THSD7B: variants seen among roughly 807,000 people sequenced by gnomAD.
THSD7B encodes the protein thrombospondin type 1 domain containing 7B.
THSD7B carries 138 observed loss-of-function variants against 213.6 expected under a neutral mutation model. That is an observed-to-expected ratio of 0.65 (90% CI 0.56 to 0.74). The LOEUF (loss-of-function observed/expected upper bound fraction) is 0.74. THSD7B is among the 30% of genes least tolerant of loss of function. The pLI is 0.00. For synonymous variants in THSD7B, 742 were observed against 687.0 expected (o/e 1.08, Z -1.25); for missense variants, 1,931 against 1,991.5 (o/e 0.97, Z 0.58).
chr2:137,656,241 CAT>C (rs758079440), intron 22 of THSD7B, among the ~76,000 whole-genome samples: 17 of 151,896 alleles, frequency 1.1e-4, no homozygotes, highest in African/African-American at 2.7e-4. Context: ...CAGTATATAA[CAT>C]ATGTGTATGT....
chr2:137,284,419 A>C (rs1683117032), intron 12 of THSD7B, among the ~76,000 whole-genome samples: 1 of 151,842 alleles, frequency 6.6e-6, no homozygotes, highest in Non-Finnish European at 1.5e-5. Context: ...CTCTGATCTT[A>C]GTTATTTCTT....
intron 20 of THSD7B, among the ~76,000 whole-genome samples, chr2:137,627,331 T>C (rs1481744785): frequency 6.6e-6 from 1 of 152,162 alleles, no homozygotes; most frequent in Non-Finnish European, 1.5e-5. Flanking sequence ...ACATGCCTTT[T>C]GGTGGGCACA....
intron 3 of THSD7B, among the ~76,000 whole-genome samples, chr2:137,064,746 A>G (rs188445307): frequency 8.7e-4 from 132 of 152,066 alleles, no homozygotes; most frequent in Admixed American, 1.8e-3. Flanking sequence ...TTCCTAGCAC[A>G]ATTTATTGAA....
At position 137,470,985 on chromosome 2, in the gene THSD7B, T is replaced by C. The variant is rs1329862511; in HGVS notation, c.3138+19962T>C. Among the ~76,000 whole-genome samples the C allele has an allele frequency of 2.0e-5, 3 of 148,062 alleles. 1 individual carries two copies. The highest frequency in any genetic ancestry group is 7.5e-5 in the African/African-American group (3 of 40,170). On this transcript the variant is annotated intron_variant, in intron 15 of 27. Transcript: ENST00000409968. ...CTCAGGCTGGAGTGCAATGGCACAA[T>C]CTCAGCTCACTGCAACCTCTGCCTC...
intron 2 of THSD7B, among the ~76,000 whole-genome samples, chr2:137,044,795 ATGAAGGGAGG>A (rs1488691766): frequency 2.6e-5 from 4 of 152,214 alleles, no homozygotes; most frequent in African/African-American, 9.6e-5. Context: ...GTGCGATGAT[ATGAAGGGAGG>A]TGAATGGCGT....
chr2:137,316,946 T>C (rs555790111), intron 12 of THSD7B, among the ~76,000 whole-genome samples: 85 of 152,222 alleles, frequency 5.6e-4, no homozygotes, highest in African/African-American at 2.0e-3. Context: ...CTCCTCTGAG[T>C]TGGTAGGTTC....
At chr2:137,261,232 G>C (rs1429617322) in intron 10 of THSD7B, among the ~76,000 whole-genome samples, 1 of 149,942 alleles carries the variant, frequency 6.7e-6, no homozygotes, top group Non-Finnish European at 1.5e-5. Context: ...CATGGGAAGA[G>C]GGATGCTTAG....
intron 12 of THSD7B, among the ~76,000 whole-genome samples, chr2:137,338,525 T>A (rs1411448257): frequency 2.0e-5 from 3 of 152,134 alleles, no homozygotes; most frequent in Non-Finnish European, 4.4e-5. Flanking sequence ...ATCCGTTTAA[T>A]TTTAATGCTA....
chr2:137,103,081 A>T (rs1470851068), intron 4 of THSD7B, among the ~76,000 whole-genome samples: 1 of 152,126 alleles, frequency 6.6e-6, no homozygotes. Flanking sequence ...AAGACACAAA[A>T]TCGTCGGATT....
chr2:137,406,478 T>C (rs1686521932), intron 13 of THSD7B, among the ~76,000 whole-genome samples: 1 of 152,194 alleles, frequency 6.6e-6, no homozygotes, highest in Admixed American at 6.5e-5. Context: ...CTTAACTTCT[T>C]ATGTGTTTGT....
At chr2:136,824,463 A>G (rs1186626246) in intron 1 of THSD7B, among the ~76,000 whole-genome samples, 1 of 152,080 alleles carries the variant, frequency 6.6e-6, no homozygotes, top group Non-Finnish European at 1.5e-5. Flanking sequence ...TATAAACCCC[A>G]AAGTTATCTT....
intron 20 of THSD7B, among the ~76,000 whole-genome samples, chr2:137,624,965 C>T (rs1488623812): frequency 6.6e-6 from 1 of 152,118 alleles, no homozygotes; most frequent in African/African-American, 2.4e-5. Context: ...CCCAGCGATC[C>T]CATTACTGGG....
chr2:136,767,316 G>T (rs987865038), intron 1 of THSD7B, among the ~76,000 whole-genome samples: 2 of 152,264 alleles, frequency 1.3e-5, no homozygotes, highest in Non-Finnish European at 2.9e-5. Flanking sequence ...CACTTTGACA[G>T]ACTGCTGTTT....
intron 2 of THSD7B, among the ~76,000 whole-genome samples, chr2:136,916,299 G>A (rs963433148): frequency 8.5e-5 from 13 of 152,124 alleles, no homozygotes; most frequent in Non-Finnish European, 1.5e-4. Context: ...AGAATATTCC[G>A]GTCTACTGGT....
intron 15 of THSD7B, among the ~76,000 whole-genome samples, chr2:137,458,171 A>G (rs1276068188): frequency 2.6e-5 from 4 of 152,172 alleles, no homozygotes; most frequent in African/African-American, 9.7e-5. Flanking sequence ...TTGTTGTGAT[A>G]AAGAAGGAAT....
intron 1 of THSD7B, among the ~76,000 whole-genome samples, chr2:136,874,314 G>A (rs1009259927): frequency 6.6e-6 from 1 of 152,148 alleles, no homozygotes; most frequent in Non-Finnish European, 1.5e-5. Flanking sequence ...GGGCTGTGGT[G>A]AGCATTAAAT....
chr2:137,298,688 G>A (rs550066960), intron 12 of THSD7B, among the ~76,000 whole-genome samples: 10 of 152,294 alleles, frequency 6.6e-5, no homozygotes, highest in Admixed American at 1.3e-4. Context: ...GCTGAAAGGA[G>A]CCAATGTACA....
At chr2:137,020,026 G>A (rs1417194880) in intron 2 of THSD7B, among the ~76,000 whole-genome samples, 7 of 152,110 alleles carry the variant, frequency 4.6e-5, no homozygotes, top group African/African-American at 7.2e-5. Context: ...TCATGAAAAC[G>A]CCAGGCACAG....
At chr2:137,453,856 T>C (rs1433310776) in intron 15 of THSD7B, among the ~76,000 whole-genome samples, 1 of 152,190 alleles carries the variant, frequency 6.6e-6, no homozygotes, top group African/African-American at 2.4e-5. Flanking sequence ...AGTGAAAACA[T>C]GCAGTATTTT....
Sources: allele counts gnomAD v4.1 joint callset (sites outside exome capture counted in the v4.1 genomes callset), GRCh38; gene constraint gnomAD v4.1.1; transcripts MANE v1.5; gene names NCBI Gene and HGNC (gene_info 2026-07-23, HGNC 2026-07-21).